AFTPH: variants seen among roughly 807,000 people sequenced by gnomAD.
The protein encoded by AFTPH is aftiphilin protein.
A neutral mutation model predicts 72.5 loss-of-function variants in AFTPH; 7 were observed. The ratio of observed to expected loss-of-function variants is 0.10; its 90% CI spans 0.05 to 0.18. The LOEUF (loss-of-function observed/expected upper bound fraction) is 0.18. Ranked by LOEUF, AFTPH falls within the 10% of genes least tolerant of loss-of-function variation. The probability of loss-of-function intolerance (pLI) is 1.00; values close to 1 mark genes in which losing one functional copy is unlikely to be tolerated. For missense variants in AFTPH, 979 were observed against 1,060.5 expected (o/e 0.92, Z 1.07); for synonymous variants, 337 against 370.1 (o/e 0.91, Z 1.03).
intron 7 of AFTPH, among the ~76,000 whole-genome samples, chr2:64,582,054 G>C (rs976693460): frequency 2.6e-5 from 4 of 152,114 alleles, no homozygotes; most frequent in Non-Finnish European, 2.9e-5. Context: ...GCATTTTTAT[G>C]TTTACATTTT....
chr2:64,562,374 C>A (rs1671796000), intron 2 of AFTPH, among the ~76,000 whole-genome samples: 1 of 149,910 alleles, frequency 6.7e-6, no homozygotes, highest in Non-Finnish European at 1.5e-5. Flanking sequence ...CACATTAATA[C>A]CAACTATGTG....
chr2:64,591,850 C>G (rs367728137), intron 8 of AFTPH, 38 bp from the exon 10 acceptor site: 82 of 1,606,240 alleles, frequency 5.1e-5, no homozygotes, highest in Non-Finnish European at 6.6e-5. Context: ...ACAGCAAAGT[C>G]ACATTAACAC....
At chr2:64,542,399 A>G (rs538986733) in intron 1 of AFTPH, among the ~76,000 whole-genome samples, 7 of 152,206 alleles carry the variant, frequency 4.6e-5, no homozygotes, top group African/African-American at 7.2e-5. Context: ...TTCCATCCCA[A>G]CCAAGCACCT....
chr2:64,552,814 C>G (rs758969715), exon 2 of AFTPH: 18 of 1,614,148 alleles, frequency 1.1e-5, no homozygotes, highest in Non-Finnish European at 1.4e-5. Flanking sequence ...TCAACTCCAC[C>G]TTTTGTTACT....
chr2:64,585,767 G>A (rs1673466791), intron 8 of AFTPH, among the ~76,000 whole-genome samples: 1 of 152,180 alleles, frequency 6.6e-6, no homozygotes, highest in South Asian at 2.1e-4. Flanking sequence ...GCTGACAGAT[G>A]TGGTTTTCTT....
At chr2:64,557,878 G>A (rs1346287186) in intron 2 of AFTPH, among the ~76,000 whole-genome samples, 1 of 152,064 alleles carries the variant, frequency 6.6e-6, no homozygotes, top group Non-Finnish European at 1.5e-5. Flanking sequence ...TTGACTATCT[G>A]GTGTTTAATT....
intron 1 of AFTPH, among the ~76,000 whole-genome samples, chr2:64,532,360 C>T (rs961487914): frequency 7.2e-5 from 11 of 152,094 alleles, no homozygotes; most frequent in Non-Finnish European, 1.5e-4. Context: ...ATCTTTATCA[C>T]AAGAAGAGGA....
At chr2:64,533,216 G>A (rs540038523) in intron 1 of AFTPH, among the ~76,000 whole-genome samples, 242 of 152,112 alleles carry the variant, frequency 1.6e-3, no homozygotes, top group African/African-American at 5.5e-3. Flanking sequence ...TGGGCAACAT[G>A]ACAAAACCCC....
intron 1 of AFTPH, among the ~76,000 whole-genome samples, chr2:64,545,967 A>G (rs1190982324): frequency 6.6e-6 from 1 of 151,858 alleles, no homozygotes; most frequent in Non-Finnish European, 1.5e-5. Flanking sequence ...ATCTCGTCTC[A>G]CTGCAACCTC....
At chr2:64,586,788 A>T (rs3821139) in intron 8 of AFTPH, among the ~76,000 whole-genome samples, 68,696 of 151,982 alleles carry the variant, frequency 0.45, 16,625 homozygotes, top group African/African-American at 0.65. Context: ...GGCTTTTTTT[A>T]AATTTTTTTC....
intron 5 of AFTPH, among the ~76,000 whole-genome samples, chr2:64,572,220 C>CAAAAAA (rs34614295): frequency 8.6e-6 from 1 of 116,876 alleles, no homozygotes. Context: ...AACTCTGTCT[C>CAAAAAA]AAAAAAAAAA....
chr2:64,566,037 T>A (rs1219870204), intron 2 of AFTPH, among the ~76,000 whole-genome samples: 1 of 152,230 alleles, frequency 6.6e-6, no homozygotes, highest in Non-Finnish European at 1.5e-5. Context: ...AAGATTTAAT[T>A]TACAGAGAAA....
chr2:64,564,034 T>A (rs17040020), intron 2 of AFTPH, among the ~76,000 whole-genome samples: 2,417 of 152,166 alleles, frequency 0.016, 57 homozygotes, highest in East Asian at 0.063. Flanking sequence ...CTACAAGGAG[T>A]AACTATAGCA....
intron 8 of AFTPH, among the ~76,000 whole-genome samples, chr2:64,586,373 C>T (rs1397257651): frequency 3.3e-5 from 5 of 152,206 alleles, no homozygotes; most frequent in African/African-American, 9.7e-5. Flanking sequence ...AGTGTTATAG[C>T]TCTTTCTCCT....
At chr2:64,591,762 T>C (rs1673838854) in intron 8 of AFTPH, 126 bp from the exon 10 acceptor site, 1 of 977,282 alleles carries the variant, frequency 1.0e-6, no homozygotes, top group African/African-American at 1.6e-5. Flanking sequence ...ATTCAGGAAC[T>C]AGCAGAGGAA....
chr2:64,574,554 A>G (rs1672652868), intron 6 of AFTPH, among the ~76,000 whole-genome samples: 1 of 152,242 alleles, frequency 6.6e-6, no homozygotes, highest in Admixed American at 6.5e-5. Flanking sequence ...ACTTTAGAAA[A>G]TGTGTAAAGC....
At chr2:64,524,984 G>C (rs951473335) in intron 1 of AFTPH, among the ~76,000 whole-genome samples, 1 of 152,214 alleles carries the variant, frequency 6.6e-6, no homozygotes, top group African/African-American at 2.4e-5. Context: ...TTGGGGCTTT[G>C]CTTGGGCTTC....
chr2:64,538,647 T>G (rs1212555141), intron 1 of AFTPH, among the ~76,000 whole-genome samples: 1 of 152,194 alleles, frequency 6.6e-6, no homozygotes, highest in Non-Finnish European at 1.5e-5. Context: ...GTCATCTTTT[T>G]CTCTTAATTG....
At chr2:64,561,004 A>C (rs3770734) in intron 2 of AFTPH, among the ~76,000 whole-genome samples, 19,594 of 152,270 alleles carry the variant, frequency 0.13, 3,158 homozygotes, top group African/African-American at 0.36. Flanking sequence ...GCTTTGGGCT[A>C]GTTTCCATTC....
Sources: allele counts gnomAD v4.1 joint callset (sites outside exome capture counted in the v4.1 genomes callset), GRCh38; gene constraint gnomAD v4.1.1; transcripts MANE v1.5; gene names NCBI Gene and HGNC (gene_info 2026-07-23, HGNC 2026-07-21).